ABHD16A: variants seen among roughly 807,000 people sequenced by gnomAD.
ABHD16A encodes the protein phosphatidylserine lipase ABHD16A.
ABHD16A carries 47 observed loss-of-function variants against 89.8 expected under a neutral mutation model. The observed-to-expected ratio is 0.52, with a 90% CI of 0.41 to 0.67. The LOEUF (loss-of-function observed/expected upper bound fraction) is 0.67, where lower values mean the gene tolerates loss of function less well. Among genes scored for constraint, ABHD16A ranks in the 30% least tolerant of loss-of-function variants. ABHD16A has a pLI of 0.00. For synonymous variants in ABHD16A, 251 were observed against 280.4 expected (o/e 0.90, Z 1.05); for missense variants, 580 against 734.6 (o/e 0.79, Z 2.43).
rs1322414668 is a variant in ABHD16A, at chr6:31,688,413, C to A, written c.1251-108G>T. The stretch of plus-strand genomic sequence containing the variant: ...CATTCTTACCCTCCCCTTGCTATAG[C>A]ACAGCCCTTGACCTAGCCCTTCACT... On this transcript the variant is annotated intron_variant, in intron 14 of 19. Coordinates refer to ENST00000395952, the MANE Select transcript of ABHD16A (RefSeq NM_021160.3). The surrounding 1 kb of genome is among the most constrained non-coding windows in gnomAD (Gnocchi z 4.9). 10 of 1,183,436 alleles carry A rather than the reference C, an allele frequency of 8.4e-6. No homozygotes were observed. The highest frequency in any genetic ancestry group is 1.2e-5 in the Non-Finnish European group (10 of 801,016). 73.3% of individuals were successfully genotyped at this position (1,183,436 alleles called of 1,614,324 possible).
In ABHD16A at chr6:31,698,328, G is replaced by C. The variant is rs904157330; in HGVS notation, c.344-1295C>G. Among the ~76,000 whole-genome samples, 3 of 151,360 alleles carry C rather than the reference G, an allele frequency of 2.0e-5. No individual in the cohort carries two copies. Among genetic ancestry groups the C allele is most frequent in the Non-Finnish European group, 4.4e-5 (3 of 67,906 alleles). On this transcript the variant is annotated intron_variant, in intron 4 of 19. Transcript: ENST00000395952. The surrounding 1 kb of genome is among the most constrained non-coding windows in gnomAD (Gnocchi z 4.1). ...AAGATGGGACTGAAAGGATTCCAAT[G>C]GGAACTCCAACCCTAACTGTGGTGC...
chr6:31,690,308 G>A lies in ABHD16A; in HGVS notation c.908-181C>T. 1 of 684,190 alleles carries A rather than the reference G, an allele frequency of 1.5e-6. No individual in the cohort carries two copies. Among genetic ancestry groups the A allele is most frequent in the South Asian group, 1.9e-5 (1 of 53,010 alleles). The allele number at this position is 684,190 out of a possible 1,614,324, so 42.4% of individuals were successfully genotyped here. ...ACAGGGAGCAGCATGTGATTGTGTG[G>A]GGTGTGTGGTGGGGGAATGGAACAG... On this transcript the variant is annotated intron_variant, in intron 10 of 19. Transcript: ENST00000395952. The surrounding 1 kb of genome is among the most constrained non-coding windows in gnomAD (Gnocchi z 4.1).
At position 31,688,723 on chromosome 6, in the gene ABHD16A, C is replaced by T. The variant is rs758469978; in HGVS notation, c.1250G>A (p.Arg417Lys). ...LNLNNAEQLC[R>K]YQGPVLLIRR... is the part of the protein sequence containing the mutation. The stretch of plus-strand genomic sequence containing the variant: ...ATGCCGGACGCTGGCCGGCCCTCAC[C>T]TGCACAGCTGCTCCGCGTTGTTTAG... The change falls in exon 14 of 20, where the codon AGA (arginine) becomes AAA (lysine). Residue 417 changes from arginine (R) to lysine (K), a missense_variant and splice_region_variant. Arg to Lys is a conservative substitution (Grantham distance 26, BLOSUM62 2). Coordinates refer to ENST00000395952, the MANE Select transcript of ABHD16A (RefSeq NM_021160.3). This position sits in a 1 kb window ranked among gnomAD's most constrained non-coding sequence, Gnocchi z 4.9. The T allele has an allele frequency of 1.9e-6, 3 of 1,612,862 alleles. No individual in the cohort carries two copies. Among genetic ancestry groups the T allele is most frequent in the Non-Finnish European group, 2.5e-6 (3 of 1,179,990 alleles).
rs532361118 is a variant in ABHD16A at position 31,688,685 on chromosome 6, G to T, written c.1250+38C>A. On this transcript the variant is annotated intron_variant, in intron 14 of 19. Transcript: ENST00000395952. The surrounding 1 kb of genome is among the most constrained non-coding windows in gnomAD (Gnocchi z 4.9). ...TGAGCGCCCAGCAGAGCTGTATGGGGGGCAGGTGTTCAATGCCGGACGCTG... is the reference window on the plus strand; with the variant it reads ...TGAGCGCCCAGCAGAGCTGTATGGGTGGCAGGTGTTCAATGCCGGACGCTG... The T allele has an allele frequency of 1.6e-5, 26 of 1,609,452 alleles. No individual in the cohort carries two copies. In the South Asian group the frequency reaches 2.7e-4, roughly 17 times the overall value.
intron 4 of ABHD16A, among the ~76,000 whole-genome samples, chr6:31,697,700 ACTCT>A (rs1804533234): frequency 6.6e-6 from 1 of 151,476 alleles, no homozygotes; most frequent in Non-Finnish European, 1.5e-5. Flanking sequence ...CTCAGTGCTG[ACTCT>A]CTCTCCTCTC....
chr6:31,691,578 C>T lies in ABHD16A; in HGVS notation c.843+1G>A. Reference sequence around the variant, plus strand: ...CCTCTGGGCTCTCTGCTCCCTCTTACCAGCTTCTGTCCCTGGGGCTCAGCT... The same window carrying T: ...CCTCTGGGCTCTCTGCTCCCTCTTATCAGCTTCTGTCCCTGGGGCTCAGCT... On this transcript the variant is annotated splice_donor_variant, in intron 9 of 19. Transcript: ENST00000395952. LOFTEE classifies it high-confidence loss of function. 2 of 1,612,932 alleles carry T rather than the reference C, an allele frequency of 1.2e-6. No homozygotes were observed. Among genetic ancestry groups the T allele is most frequent in the Non-Finnish European group, 1.7e-6 (2 of 1,179,968 alleles).
intron 5 of ABHD16A, among the ~76,000 whole-genome samples, chr6:31,696,088 C>T (rs375037580): frequency 6.6e-6 from 1 of 151,194 alleles, no homozygotes; most frequent in Non-Finnish European, 1.5e-5. Flanking sequence ...GGCATGAACC[C>T]GGGAGGCCGA....
chr6:31,699,466 C>G (rs1362051733), intron 4 of ABHD16A, among the ~76,000 whole-genome samples: 1 of 149,938 alleles, frequency 6.7e-6, no homozygotes, highest in Non-Finnish European at 1.5e-5. Context: ...TGTTCTACCT[C>G]AAACATGCAC....
Position 31,688,231 on chromosome 6 carries a change from A to G in ABHD16A, c.1307+18T>C. 6.2e-7 allele frequency: 1 copy of G among 1,613,558 alleles called. No individual in the cohort carries two copies. The highest frequency in any genetic ancestry group is 8.5e-7 in the Non-Finnish European group (1 of 1,179,588). Reference sequence around the variant, plus strand: ...CCATCTCTGGGGTTCCTGAGGGCCGAGATTCCCACGCACTCACGTGGTGGT... The same window carrying G: ...CCATCTCTGGGGTTCCTGAGGGCCGGGATTCCCACGCACTCACGTGGTGGT... On this transcript the variant is annotated intron_variant, in intron 15 of 19. Coordinates refer to ENST00000395952, the MANE Select transcript of ABHD16A (RefSeq NM_021160.3). The surrounding 1 kb of genome is among the most constrained non-coding windows in gnomAD (Gnocchi z 4.9).
chr6:31,691,573 T>G lies in ABHD16A; in HGVS notation c.843+6A>C. On this transcript the variant is annotated splice_donor_region_variant and intron_variant, in intron 9 of 19. Coordinates refer to ENST00000395952, the MANE Select transcript of ABHD16A (RefSeq NM_021160.3). ...CCCCACCTCTGGGCTCTCTGCTCCCTCTTACCAGCTTCTGTCCCTGGGGCT... is the reference window on the plus strand; with the variant it reads ...CCCCACCTCTGGGCTCTCTGCTCCCGCTTACCAGCTTCTGTCCCTGGGGCT... The G allele has an allele frequency of 1.2e-6, 2 of 1,612,820 alleles. No homozygotes were observed. Among genetic ancestry groups the G allele is most frequent in the East Asian group, 4.5e-5 (2 of 44,878 alleles).
At chr6:31,689,814 T>C (rs1240328056) in intron 11 of ABHD16A, 110 bp from the exon 12 acceptor site, 16 of 1,454,964 alleles carry the variant, frequency 1.1e-5, no homozygotes, top group Non-Finnish European at 1.5e-5. Context: ...AGAGAAGGTG[T>C]AGAAGGAAGG....
chr6:31,701,152 G>A (rs1249429306), intron 3 of ABHD16A, 122 bp downstream of exon 3: 8 of 1,323,724 alleles, frequency 6.0e-6, no homozygotes, highest in East Asian at 2.3e-5. Flanking sequence ...AGAGGAAGAA[G>A]ATGCCTGATG....
intron 7 of ABHD16A, 140 bp from the exon 8 acceptor site, chr6:31,692,058 C>G: frequency 1.5e-6 from 1 of 667,300 alleles, no homozygotes; most frequent in South Asian, 2.2e-5. Context: ...CTCTTTCAAG[C>G]CTTAATGAAA....
At chr6:31,703,123 T>C in intron 1 of ABHD16A, 27 bp downstream of exon 1, 1 of 1,412,304 alleles carries the variant, frequency 7.1e-7, no homozygotes, top group Non-Finnish European at 9.3e-7. Flanking sequence ...TGTACCACGT[T>C]CTTCGGTGGG....
intron 2 of ABHD16A, 149 bp from the exon 3 acceptor site, chr6:31,701,489 C>T (rs1252477769): frequency 1.5e-6 from 1 of 671,918 alleles, no homozygotes; most frequent in Non-Finnish European, 2.5e-6. Flanking sequence ...ACAGTAGGTG[C>T]TCAGTATTTG....
rs1465789115 is a variant in ABHD16A, at chr6:31,693,032, G to A, written c.621C>T (p.Ile207=). The A allele has an allele frequency of 1.2e-6, 2 of 1,614,194 alleles. No individual in the cohort carries two copies. Among genetic ancestry groups the A allele is most frequent in the Admixed American group, 3.3e-5 (2 of 60,018 alleles). ...TCCTCGCTGCTGTTTCCCACCTGGT[G>A]ATCTGACAAGGCAGCTTCTTAACCC... ...LNRVKKLPCQ[I]TSYLVAHTLG... Residue 207 remains isoleucine (I), a synonymous_variant, in exon 7 of 20, where the codon ATC becomes ATT. Coordinates refer to ENST00000395952, the MANE Select transcript of ABHD16A (RefSeq NM_021160.3). The surrounding 1 kb of genome is among the most constrained non-coding windows in gnomAD (Gnocchi z 5.0).
At position 31,690,171 on chromosome 6, in the gene ABHD16A, G is replaced by A. The variant is rs369409659; in HGVS notation, c.908-44C>T. 64 of 1,523,032 alleles carry A rather than the reference G, an allele frequency of 4.2e-5. 1 individual carries two copies. The highest frequency in any genetic ancestry group is 3.0e-4 in the South Asian group (24 of 79,340). 94.3% of individuals were successfully genotyped at this position (1,523,032 alleles called of 1,614,324 possible). A position where few individuals can be genotyped will look rare whatever the true frequency, so the allele number is the denominator to read the frequency against. On this transcript the variant is annotated intron_variant, in intron 10 of 19. Coordinates refer to ENST00000395952, the MANE Select transcript of ABHD16A (RefSeq NM_021160.3). This position sits in a 1 kb window ranked among gnomAD's most constrained non-coding sequence, Gnocchi z 4.1. ...AGGGACTGAGACCTTGTGGCCCACA[G>A]CCCTTTCTCCATCCCTGGGGGAAGG...
chr6:31,703,164 G>C lies in ABHD16A; in HGVS notation c.118C>G (p.His40Asp), dbSNP rs1325250543. 4 of 1,434,480 alleles carry C rather than the reference G, an allele frequency of 2.8e-6. No homozygotes were observed. Among genetic ancestry groups the C allele is most frequent in the South Asian group, 3.1e-5 (2 of 65,562 alleles). The allele number at this position is 1,434,480 out of a possible 1,614,324, so 88.9% of individuals were successfully genotyped here. ...ACTCGACTCACCCAGGAGCTGGAATGGGGGGCAGTGACTGCCGTTGGCGTC... is the reference window on the plus strand; with the variant it reads ...ACTCGACTCACCCAGGAGCTGGAATCGGGGGCAGTGACTGCCGTTGGCGTC... ...PETPTAVTAPHSSSWDTYYQP... is the reference protein window; with the variant it reads ...PETPTAVTAPDSSSWDTYYQP... Residue 40 changes from histidine to aspartate, a missense_variant, in exon 1 of 20, where the codon CAT (histidine) becomes GAT (aspartate). By Grantham distance (81) the His-to-Asp change is moderately conservative. This residue lies in a region of ABHD16A where 165 missense variants were observed against 165.8 expected (regional missense o/e 1.00). Transcript: ENST00000395952.
intron 1 of ABHD16A, 117 bp downstream of exon 1, chr6:31,703,033 T>C (rs1562126688): frequency 2.2e-6 from 3 of 1,365,132 alleles, no homozygotes; most frequent in Non-Finnish European, 2.8e-6. Flanking sequence ...ATTTTGCGGA[T>C]AACTGGCTTG....
Sources: gnomAD v4.1 joint callset for allele counts (sites outside exome capture counted in the v4.1 genomes callset) on GRCh38, gnomAD v4.1.1 for gene constraint, gnomAD v4.1.1 regional missense constraint, Gnocchi (gnomAD v3.1) non-coding constraint, MANE v1.5 for transcripts, NCBI Gene and HGNC (gene_info 2026-07-23, HGNC 2026-07-21) for gene names.